The following TCF7L2 variants were observed in gnomAD, a reference collection of about 807,000 sequenced individuals.
The protein encoded by TCF7L2 is transcription factor 7 like 2.
A neutral mutation model predicts 77.9 loss-of-function variants in TCF7L2; 23 were observed. That is an observed-to-expected ratio of 0.30 (90% confidence interval 0.21 to 0.42). TCF7L2 has a LOEUF of 0.42. TCF7L2 is among the 10% of genes least tolerant of loss of function. TCF7L2 has a pLI of 1.00. For missense variants in TCF7L2, 654 were observed against 793.1 expected, an observed-to-expected ratio of 0.82 and a Z score of 2.11; for synonymous variants, 413 against 340.2, an observed-to-expected ratio of 1.21 and a Z score of -2.36.
At position 113,037,187 on chromosome 10, in the gene TCF7L2, C is replaced by T. The variant is rs138973537; in HGVS notation, c.451-2838C>T. On this transcript the variant is annotated intron_variant, in intron 4 of 13. Transcript: ENST00000627217. ...CACTTTTGGAGAAGGTTAATAGCTT[C>T]CTTTAGAAAATCCTGACATAATACT... 5.2e-3 allele frequency among the ~76,000 whole-genome samples: 790 copies of T among 152,288 alleles called. 4 individuals carry two copies. The highest frequency in any genetic ancestry group is 0.011 in the Admixed American group (164 of 15,286).
rs1276507101 is a variant in TCF7L2 at position 113,166,500 on chromosome 10, G to C, written c.*528G>C. 4 of 176,034 alleles carry C rather than the reference G, an allele frequency of 2.3e-5. No homozygotes were observed. The highest frequency in any genetic ancestry group is 8.1e-5 in the African/African-American group (3 of 36,958). The allele number at this position is 176,034 out of a possible 1,614,324, so 10.9% of individuals were successfully genotyped here. ...AACAACTCTTATTGTGATGTTACTT[G>C]TTATTGTTTAAATGTACAGAAACAA... On this transcript the variant is annotated 3_prime_UTR_variant, in exon 14 of 14. Coordinates refer to ENST00000627217, the MANE Select transcript of TCF7L2 (RefSeq NM_001146274.2).
intron 4 of TCF7L2, among the ~76,000 whole-genome samples, chr10:112,976,133 C>A (rs1272123925): frequency 6.6e-6 from 1 of 152,054 alleles, no homozygotes; most frequent in Non-Finnish European, 1.5e-5. Context: ...GTACCTGTTT[C>A]TAGAGTTGGG....
intron 4 of TCF7L2, among the ~76,000 whole-genome samples, chr10:112,990,578 A>C (rs1344892031): frequency 6.6e-6 from 1 of 152,028 alleles, no homozygotes; most frequent in Non-Finnish European, 1.5e-5. Flanking sequence ...ATGGTGGTGC[A>C]TGCCTGTAGT....
At chr10:113,118,703 A>G (rs931286049) in intron 5 of TCF7L2, among the ~76,000 whole-genome samples, 1 of 144,444 alleles carries the variant, frequency 6.9e-6, no homozygotes, top group African/African-American at 2.5e-5. Context: ...TTTTATTCCC[A>G]AGCCTTGGTT....
In TCF7L2 at chr10:113,146,034, T is replaced by C; in HGVS notation, c.812T>C (p.Ile271Thr). The C allele has an allele frequency of 7.4e-7, 1 of 1,353,004 alleles. No homozygotes were observed. The highest frequency in any genetic ancestry group is 9.8e-7 in the Non-Finnish European group (1 of 1,020,914). The allele number at this position is 1,353,004 out of a possible 1,614,324, so 83.8% of individuals were successfully genotyped here. A position where few individuals can be genotyped will look rare whatever the true frequency, so the allele number is the denominator to read the frequency against. ...AGGCAAGGTCAACCAGTGTACCCAA[T>C]CACGACAGGAGGATTCAGACACCCC... The change falls in exon 8 of 14, where the codon ATC becomes ACC. Residue 271 changes from isoleucine to threonine, a missense_variant. This residue lies in a region of TCF7L2 where 179 missense variants were observed against 270.6 expected (regional missense o/e 0.66). Coordinates refer to ENST00000627217, the MANE Select transcript of TCF7L2 (RefSeq NM_001146274.2).
intron 4 of TCF7L2, among the ~76,000 whole-genome samples, chr10:112,997,225 G>C (rs370015548): frequency 1.1e-4 from 17 of 152,318 alleles, no homozygotes; most frequent in African/African-American, 2.9e-4. Flanking sequence ...TTCTCAACTT[G>C]GAGCCAATCT....
At chr10:113,108,347 G>A (rs2062675512) in intron 5 of TCF7L2, among the ~76,000 whole-genome samples, 1 of 152,036 alleles carries the variant, frequency 6.6e-6, no homozygotes, top group Admixed American at 6.6e-5. Context: ...AGTGTTCACT[G>A]AACCTGGAAA....
intron 4 of TCF7L2, among the ~76,000 whole-genome samples, chr10:113,033,668 A>G (rs916578552): frequency 2.0e-5 from 3 of 152,232 alleles, no homozygotes; most frequent in Admixed American, 2.0e-4. Flanking sequence ...AACAACAGCA[A>G]TCACACATTT....
intron 4 of TCF7L2, among the ~76,000 whole-genome samples, chr10:113,031,544 G>T (rs564141092): frequency 6.7e-6 from 1 of 148,240 alleles, no homozygotes; most frequent in South Asian, 2.1e-4. Flanking sequence ...CTGGAGTGCA[G>T]TTGCACAATC....
At chr10:113,124,176 C>T (rs1485760489) in intron 5 of TCF7L2, among the ~76,000 whole-genome samples, 2 of 129,270 alleles carry the variant, frequency 1.5e-5, no homozygotes, top group Non-Finnish European at 3.2e-5. Flanking sequence ...ATGCAAATCA[C>T]GAGAAAGTAG....
chr10:113,103,027 G>A (rs369492114), intron 5 of TCF7L2, among the ~76,000 whole-genome samples: 2 of 152,158 alleles, frequency 1.3e-5, no homozygotes, highest in East Asian at 1.9e-4. Flanking sequence ...CATTTAATCT[G>A]CTCAATTTGT....
chr10:113,134,610 A>G (rs2067129036), intron 5 of TCF7L2, among the ~76,000 whole-genome samples: 1 of 152,218 alleles, frequency 6.6e-6, no homozygotes, highest in Non-Finnish European at 1.5e-5. Flanking sequence ...CCTCTTCCCC[A>G]ACTTACCACA....
chr10:113,054,035 G>A (rs571489950), intron 5 of TCF7L2, among the ~76,000 whole-genome samples: 3 of 152,186 alleles, frequency 2.0e-5, no homozygotes, highest in Non-Finnish European at 4.4e-5. Flanking sequence ...AGACTAGGCT[G>A]GTGCCGGTCA....
intron 5 of TCF7L2, among the ~76,000 whole-genome samples, chr10:113,066,758 A>G (rs1195545155): frequency 6.6e-6 from 1 of 152,252 alleles, no homozygotes; most frequent in South Asian, 2.1e-4. Context: ...GATTCTATTC[A>G]TGAAGATTCT....
intron 8 of TCF7L2, among the ~76,000 whole-genome samples, chr10:113,149,625 G>C (rs1181306073): frequency 6.6e-6 from 1 of 152,190 alleles, no homozygotes; most frequent in Non-Finnish European, 1.5e-5. Context: ...AAAAAACTTT[G>C]TAAATACATA....
intron 4 of TCF7L2, among the ~76,000 whole-genome samples, chr10:113,036,143 C>G (rs1234233941): frequency 6.6e-6 from 1 of 151,554 alleles, no homozygotes; most frequent in African/African-American, 2.4e-5. Context: ...TCATCATCAT[C>G]ATCATCATCA....
At chr10:113,035,061 C>G (rs779469885) in intron 4 of TCF7L2, among the ~76,000 whole-genome samples, 7 of 151,636 alleles carry the variant, frequency 4.6e-5, no homozygotes, top group Non-Finnish European at 1.0e-4. Context: ...TCGCTCTGAA[C>G]CTTTTCCAGT....
intron 11 of TCF7L2, among the ~76,000 whole-genome samples, chr10:113,156,207 C>T (rs2071858832): frequency 6.6e-6 from 1 of 151,688 alleles, no homozygotes; most frequent in Non-Finnish European, 1.5e-5. Flanking sequence ...CTCTGCCTCC[C>T]AGGTTCAAGT....
chr10:112,959,903 T>G, intron 3 of TCF7L2, among the ~76,000 whole-genome samples: 1 of 152,048 alleles, frequency 6.6e-6, no homozygotes, highest in Non-Finnish European at 1.5e-5. Context: ...GAAATTAGAT[T>G]TCAAGTGGCT....
Sources: allele counts gnomAD v4.1 joint callset (sites outside exome capture counted in the v4.1 genomes callset), GRCh38; gene constraint gnomAD v4.1.1; regional missense constraint gnomAD v4.1.1; transcripts MANE v1.5; gene names NCBI Gene and HGNC (gene_info 2026-07-23, HGNC 2026-07-21).